MACROD2: variants seen among roughly 807,000 people sequenced by gnomAD.
MACROD2 encodes the protein ADP-ribose glycohydrolase MACROD2.
In MACROD2, 36 loss-of-function variants were observed where a neutral mutation model predicts 70.4. The observed-to-expected ratio is 0.51, with a 90% confidence interval of 0.39 to 0.68. The LOEUF is 0.68. MACROD2 is among the 30% of genes least tolerant of loss of function. The pLI, the probability that MACROD2 is intolerant of heterozygous loss-of-function variation, is 0.00. For synonymous variants in MACROD2, 172 were observed against 178.8 expected (o/e 0.96, Z 0.30); for missense variants, 496 against 538.4 (o/e 0.92, Z 0.78).
chr20:14,380,435 T>C (rs1190999730), intron 3 of MACROD2, among the ~76,000 whole-genome samples: 1 of 152,094 alleles, frequency 6.6e-6, no homozygotes, highest in African/African-American at 2.4e-5. Context: ...ACTTGTCTAT[T>C]TTTTCTTTTT....
At chr20:14,874,952 G>A (rs558965188) in intron 5 of MACROD2, among the ~76,000 whole-genome samples, 4 of 151,784 alleles carry the variant, frequency 2.6e-5, no homozygotes, top group Non-Finnish European at 5.9e-5. Context: ...TGATCTGCCT[G>A]CCTTGGCCTC....
intron 3 of MACROD2, among the ~76,000 whole-genome samples, chr20:14,348,566 AG>A (rs1222925687): frequency 6.6e-6 from 1 of 152,050 alleles, no homozygotes; most frequent in Non-Finnish European, 1.5e-5. Flanking sequence ...AAAAAAAAAA[AG>A]AATTTCTTAT....
At chr20:15,790,629 C>A (rs550765857) in intron 8 of MACROD2, among the ~76,000 whole-genome samples, 1 of 151,824 alleles carries the variant, frequency 6.6e-6, no homozygotes, top group South Asian at 2.1e-4. Context: ...GGTAGAAAAA[C>A]CAAAGGAGGA....
At chr20:15,272,823 C>A (rs769241811) in intron 6 of MACROD2, among the ~76,000 whole-genome samples, 82 of 152,138 alleles carry the variant, frequency 5.4e-4, no homozygotes, top group Non-Finnish European at 9.3e-4. Context: ...CAAATAAAGT[C>A]TATTTTATAT....
At chr20:15,184,706 A>G (rs1205489358) in intron 5 of MACROD2, among the ~76,000 whole-genome samples, 1 of 152,234 alleles carries the variant, frequency 6.6e-6, no homozygotes, top group African/African-American at 2.4e-5. Context: ...GCCAGGTGCG[A>G]CAATTCTGGG....
At chr20:14,775,525 C>A (rs1334171065) in intron 5 of MACROD2, among the ~76,000 whole-genome samples, 1 of 151,948 alleles carries the variant, frequency 6.6e-6, no homozygotes, top group South Asian at 2.1e-4. Context: ...TGAACTAGCA[C>A]AGCAAGAACT....
intron 8 of MACROD2, among the ~76,000 whole-genome samples, chr20:15,521,079 G>C (rs1478100255): frequency 1.3e-5 from 2 of 152,170 alleles, no homozygotes; most frequent in African/African-American, 4.8e-5. Flanking sequence ...TTGTGGATAG[G>C]CCTGTAGGTT....
At chr20:14,835,212 G>T (rs1471151474) in intron 5 of MACROD2, among the ~76,000 whole-genome samples, 1 of 152,008 alleles carries the variant, frequency 6.6e-6, no homozygotes. Flanking sequence ...GACACATGGG[G>T]GAAAAGTCAA....
intron 3 of MACROD2, among the ~76,000 whole-genome samples, chr20:14,250,454 A>G (rs2082003421): frequency 6.6e-6 from 1 of 151,806 alleles, no homozygotes; most frequent in Non-Finnish European, 1.5e-5. Context: ...CTTACCTACT[A>G]CCCTCCATGC....
rs2074574312 is a variant in MACROD2, at chr20:14,960,534, A to G, written c.419-269406A>G. On this transcript the variant is annotated intron_variant, in intron 5 of 17. Coordinates refer to ENST00000684519, the MANE Select transcript of MACROD2 (RefSeq NM_001351661.2). The stretch of plus-strand genomic sequence containing the variant: ...TTTCGTATGTTTTTTCTTTTATTAT[A>G]TGGAGGATTAATATGCTGCAATGCA... 2.0e-5 allele frequency among the ~76,000 whole-genome samples: 3 copies of G among 152,298 alleles called. No homozygotes were observed. The South Asian group carries it at 6.2e-4, about 32-fold the overall frequency.
At chr20:14,372,142 G>C (rs1013285667) in intron 3 of MACROD2, among the ~76,000 whole-genome samples, 1 of 152,154 alleles carries the variant, frequency 6.6e-6, no homozygotes, top group Non-Finnish European at 1.5e-5. Flanking sequence ...AGATTCCAGT[G>C]AGTGCTTGTG....
At chr20:15,079,734 T>G (rs1172294897) in intron 5 of MACROD2, among the ~76,000 whole-genome samples, 2 of 152,056 alleles carry the variant, frequency 1.3e-5, no homozygotes, top group Non-Finnish European at 2.9e-5. Context: ...GCTCTCCACC[T>G]ATTTCCAGGC....
chr20:14,030,014 C>G (rs1365739659), intron 2 of MACROD2, among the ~76,000 whole-genome samples: 2 of 152,158 alleles, frequency 1.3e-5, no homozygotes, highest in Admixed American at 1.3e-4. Context: ...AGAAATAGTA[C>G]TTTTTTTCCT....
chr20:14,261,615 T>G (rs1237658375), intron 3 of MACROD2, among the ~76,000 whole-genome samples: 2 of 152,214 alleles, frequency 1.3e-5, no homozygotes, highest in Non-Finnish European at 2.9e-5. Context: ...CCAGCCATAG[T>G]TTATCTCACC....
At chr20:14,532,936 G>T (rs1433379114) in intron 4 of MACROD2, among the ~76,000 whole-genome samples, 1 of 152,296 alleles carries the variant, frequency 6.6e-6, no homozygotes, top group African/African-American at 2.4e-5. Context: ...AGGGCCAAAA[G>T]ATGTGAAGCC....
At chr20:14,254,999 T>C (rs536202598) in intron 3 of MACROD2, among the ~76,000 whole-genome samples, 1 of 152,154 alleles carries the variant, frequency 6.6e-6, no homozygotes, top group Non-Finnish European at 1.5e-5. Context: ...CCTTCACTTA[T>C]GAAGCTTAGT....
chr20:15,220,300 T>G (rs902887515), intron 5 of MACROD2, among the ~76,000 whole-genome samples: 4 of 152,224 alleles, frequency 2.6e-5, no homozygotes, highest in Admixed American at 6.5e-5. Flanking sequence ...CCAACTTTTA[T>G]TTAATCACCC....
At chr20:15,899,832 A>C (rs2065037882) in intron 10 of MACROD2, among the ~76,000 whole-genome samples, 1 of 152,212 alleles carries the variant, frequency 6.6e-6, no homozygotes, top group African/African-American at 2.4e-5. Flanking sequence ...CTTTTGTCAG[A>C]TGAAATTATA....
intron 8 of MACROD2, among the ~76,000 whole-genome samples, chr20:15,736,556 T>TCTACTA (rs140733): frequency 0.68 from 103,498 of 152,002 alleles, 38,023 homozygotes; most frequent in Non-Finnish European, 0.83. Context: ...CTAATTTGAG[T>TCTACTA]AGAGGAGATA....
Sources: gnomAD v4.1 joint callset for allele counts (sites outside exome capture counted in the v4.1 genomes callset) on GRCh38, gnomAD v4.1.1 for gene constraint, MANE v1.5 for transcripts, NCBI Gene and HGNC (gene_info 2026-07-23, HGNC 2026-07-21) for gene names.